SKIC2: variants seen among roughly 807,000 people sequenced by gnomAD.
SKIC2 encodes SKI2 subunit of superkiller complex.
the SKIC2 span, chr6:31,968,820 A>G: frequency 7.5e-7 from 1 of 1,341,376 alleles, no homozygotes; most frequent in Non-Finnish European, 1.1e-6. The surrounding 1 kb of genome is among the most constrained non-coding windows in gnomAD (Gnocchi z 6.1). Flanking sequence ...TGGTTGGGGC[A>G]GGGGGGCTAG....
chr6:31,960,135 G>C, the SKIC2 span: 1 of 1,608,510 alleles, frequency 6.2e-7, no homozygotes, highest in South Asian at 1.1e-5. Context: ...GAGTCTGGAG[G>C]GGCTTAGACT....
the SKIC2 span, chr6:31,963,902 TC>T: frequency 6.2e-7 from 1 of 1,606,624 alleles, no homozygotes; most frequent in African/African-American, 1.3e-5. The surrounding 1 kb of genome is among the most constrained non-coding windows in gnomAD (Gnocchi z 5.3). Context: ...CCCTTCCCCT[TC>T]CTTCTCCAGG....
At chr6:31,965,832 G>GT in the SKIC2 span, 1 of 1,612,874 alleles carries the variant, frequency 6.2e-7, no homozygotes. The surrounding 1 kb of genome is among the most constrained non-coding windows in gnomAD (Gnocchi z 5.6). Flanking sequence ...ATGCCTGCTC[G>GT]TACAGTAGTG....
chr6:31,959,703 T>G, the SKIC2 span: 1 of 552,180 alleles, frequency 1.8e-6, no homozygotes. Context: ...GCTTTGAGCC[T>G]CCAACCTTTC....
At chr6:31,967,259 C>T in the SKIC2 span, 22 of 1,611,582 alleles carry the variant, frequency 1.4e-5, no homozygotes, top group Non-Finnish European at 1.9e-5. This position sits in a 1 kb window ranked among gnomAD's most constrained non-coding sequence, Gnocchi z 4.9. Context: ...TCCCATCTGT[C>T]CTTTGCTCTT....
At chr6:31,969,203 A>G in the SKIC2 span, 2 of 1,579,598 alleles carry the variant, frequency 1.3e-6, no homozygotes, top group African/African-American at 1.4e-5. This position sits in a 1 kb window ranked among gnomAD's most constrained non-coding sequence, Gnocchi z 6.1. Context: ...AGGATGGAAA[A>G]TGGCTGCCTT....
chr6:31,965,813 G>A, the SKIC2 span: 1 of 1,612,106 alleles, frequency 6.2e-7, no homozygotes, highest in East Asian at 2.2e-5. This position sits in a 1 kb window ranked among gnomAD's most constrained non-coding sequence, Gnocchi z 5.6. Context: ...CTTTGCCATG[G>A]GAGTAAACAT....
chr6:31,967,838 G>A, the SKIC2 span: 10 of 1,612,952 alleles, frequency 6.2e-6, no homozygotes, highest in Non-Finnish European at 8.5e-6. The surrounding 1 kb of genome is among the most constrained non-coding windows in gnomAD (Gnocchi z 4.9). Flanking sequence ...TGACCTCGTG[G>A]GATTCAAGCT....
At chr6:31,966,751 A>G in the SKIC2 span, 1 of 1,614,118 alleles carries the variant, frequency 6.2e-7, no homozygotes, top group Non-Finnish European at 8.5e-7. The surrounding 1 kb of genome is among the most constrained non-coding windows in gnomAD (Gnocchi z 5.9). Flanking sequence ...CCTCACGTAC[A>G]CTATGATCCT....
the SKIC2 span, chr6:31,966,634 G>A: frequency 6.6e-7 from 1 of 1,515,996 alleles, no homozygotes. The surrounding 1 kb of genome is among the most constrained non-coding windows in gnomAD (Gnocchi z 5.9). Context: ...GACGGGAGTA[G>A]GCCCAGTCCA....
the SKIC2 span, chr6:31,965,832 G>C: frequency 1.2e-6 from 2 of 1,612,756 alleles, no homozygotes; most frequent in Non-Finnish European, 1.7e-6. The surrounding 1 kb of genome is among the most constrained non-coding windows in gnomAD (Gnocchi z 5.6). Context: ...ATGCCTGCTC[G>C]TACAGTAGTG....
chr6:31,966,263 A>ATTTTTTTT, the SKIC2 span, among the ~76,000 whole-genome samples: 1 of 142,460 alleles, frequency 7.0e-6, no homozygotes, highest in Non-Finnish European at 1.5e-5. This position sits in a 1 kb window ranked among gnomAD's most constrained non-coding sequence, Gnocchi z 5.9. Flanking sequence ...GGCCTGGCTA[A>ATTTTTTTT]TTTTTTTTTT....
the SKIC2 span, chr6:31,963,448 C>A: frequency 1.2e-6 from 2 of 1,610,510 alleles, no homozygotes; most frequent in Non-Finnish European, 1.7e-6. This position sits in a 1 kb window ranked among gnomAD's most constrained non-coding sequence, Gnocchi z 5.3. Flanking sequence ...GTGATTAGCA[C>A]TGTAACCCGC....
chr6:31,961,869 G>C, the SKIC2 span: 16 of 1,608,108 alleles, frequency 9.9e-6, no homozygotes, highest in South Asian at 1.8e-4. Flanking sequence ...GCAAGGCCCC[G>C]CTCCTTTCTT....
At chr6:31,966,838 G>A in the SKIC2 span, 1 of 1,614,210 alleles carries the variant, frequency 6.2e-7, no homozygotes, top group Non-Finnish European at 8.5e-7. The surrounding 1 kb of genome is among the most constrained non-coding windows in gnomAD (Gnocchi z 5.9). Context: ...CTCCCGCAAA[G>A]ACAGCAAGGT....
chr6:31,963,923 T>C, the SKIC2 span: 2 of 1,610,326 alleles, frequency 1.2e-6, no homozygotes, highest in Non-Finnish European at 1.7e-6. The surrounding 1 kb of genome is among the most constrained non-coding windows in gnomAD (Gnocchi z 5.3). Flanking sequence ...GACCGCGGAG[T>C]GTACCTGTCC....
At chr6:31,960,319 G>A in the SKIC2 span, 4 of 1,613,444 alleles carry the variant, frequency 2.5e-6, no homozygotes, top group Admixed American at 6.7e-5. Context: ...CCACAGGCCA[G>A]ATACTGGGTT....
the SKIC2 span, chr6:31,964,041 C>G: frequency 2.7e-5 from 43 of 1,612,616 alleles, no homozygotes; most frequent in Non-Finnish European, 3.6e-5. This position sits in a 1 kb window ranked among gnomAD's most constrained non-coding sequence, Gnocchi z 5.0. Context: ...TTGACCTCAC[C>G]ACCAGTTCGG....
the SKIC2 span, chr6:31,962,523 C>T: frequency 1.2e-6 from 2 of 1,614,132 alleles, no homozygotes; most frequent in African/African-American, 2.7e-5. The surrounding 1 kb of genome is among the most constrained non-coding windows in gnomAD (Gnocchi z 5.0). Flanking sequence ...TGGGGCTGCT[C>T]ACCGGGGATG....
Sources: allele counts gnomAD v4.1 joint callset (sites outside exome capture counted in the v4.1 genomes callset), GRCh38; gene constraint gnomAD v4.1.1; non-coding constraint Gnocchi (gnomAD v3.1); transcripts MANE v1.5; gene names NCBI Gene and HGNC (gene_info 2026-07-23, HGNC 2026-07-21).